The following DSG3 variants were observed in gnomAD, a reference collection of about 807,000 sequenced individuals.
DSG3 encodes desmoglein 3.
Under a neutral mutation model 85.9 loss-of-function variants are expected in DSG3, and 63 were observed. The observed-to-expected ratio is 0.73, with a 90% CI of 0.60 to 0.90. The LOEUF is 0.90. Ranked by LOEUF, DSG3 falls within the 40% of genes least tolerant of loss-of-function variation. The pLI, the probability that DSG3 is intolerant of heterozygous loss-of-function variation, is 0.00. For missense variants in DSG3, 1,220 were observed against 1,219.9 expected, an observed-to-expected ratio of 1.00 and a Z score of 0.00; for synonymous variants, 447 against 441.9, an observed-to-expected ratio of 1.01 and a Z score of -0.14.
rs548287528 is a variant in DSG3 at position 31,468,378 on chromosome 18, G to A, written c.1637-711G>A. Among the ~76,000 whole-genome samples, 9 of 152,332 alleles carry A rather than the reference G, an allele frequency of 5.9e-5. No homozygotes were observed. In the South Asian group the frequency reaches 1.2e-3, roughly 21 times the overall value. On this transcript the variant is annotated intron_variant, in intron 11 of 15. Coordinates refer to ENST00000257189, the MANE Select transcript of DSG3 (RefSeq NM_001944.3). ...GGGCCACACAAGTCCAAGGATTGGTGCAGACATACAAGAGAGTGGTTAAGC... is the reference window on the plus strand; with the variant it reads ...GGGCCACACAAGTCCAAGGATTGGTACAGACATACAAGAGAGTGGTTAAGC...
chr18:31,466,137 A>G (rs1419047117), intron 10 of DSG3, among the ~76,000 whole-genome samples: 4 of 152,162 alleles, frequency 2.6e-5, no homozygotes, highest in Admixed American at 1.3e-4. Flanking sequence ...AAAAATATAC[A>G]ATTTTTTATT....
Position 31,478,258 on chromosome 18 carries a change from G to A in DSG3, c.*1998G>A, listed in dbSNP as rs922071789. 1 of 152,196 alleles carries A rather than the reference G, an allele frequency of 6.6e-6. No individual in the cohort carries two copies. Among genetic ancestry groups the A allele is most frequent in the South Asian group, 2.1e-4 (1 of 4,830 alleles). 9.4% of individuals were successfully genotyped at this position (152,196 alleles called of 1,614,324 possible). On this transcript the variant is annotated 3_prime_UTR_variant, in exon 16 of 16. Coordinates refer to ENST00000257189, the MANE Select transcript of DSG3 (RefSeq NM_001944.3). Reference sequence around the variant, plus strand: ...ACGGTGGCTCGCTCTACAGTCTAGAGCACATGCAGCTAACTTGTGCCTCTG... The same window carrying A: ...ACGGTGGCTCGCTCTACAGTCTAGAACACATGCAGCTAACTTGTGCCTCTG...
At chr18:31,472,075 C>G (rs2072858889) in intron 12 of DSG3, among the ~76,000 whole-genome samples, 1 of 152,176 alleles carries the variant, frequency 6.6e-6, no homozygotes, top group African/African-American at 2.4e-5. Flanking sequence ...ATGATCTGAT[C>G]TGTCTCCTTC....
At chr18:31,471,408 GC>G (rs1261205702) in intron 12 of DSG3, among the ~76,000 whole-genome samples, 1 of 152,132 alleles carries the variant, frequency 6.6e-6, no homozygotes, top group African/African-American at 2.4e-5. Context: ...GATATTACAT[GC>G]CCAACATTAC....
chr18:31,472,172 C>G, intron 12 of DSG3, 112 bp from the exon 13 acceptor site: 5 of 1,492,648 alleles, frequency 3.3e-6, no homozygotes, highest in Non-Finnish European at 4.5e-6. Context: ...TAGGAATTTT[C>G]TACAAATATT....
rs778722510 is a variant in DSG3, at chr18:31,461,232, A to G, written c.819A>G (p.Ser273=). 2.0e-5 allele frequency: 32 copies of G among 1,611,806 alleles called. No individual in the cohort carries two copies. Among genetic ancestry groups the G allele is most frequent in the Middle Eastern group, 1.7e-4 (1 of 6,060 alleles). ...TCTGCTTCTCGCCTTTTCAGTATTC[A>G]GCACGTATTGAAGAAAATATTTTAA... The part of the protein sequence containing the change: ...NFPMFRDSQY[S]ARIEENILSS... Residue 273 remains serine (S), a synonymous_variant, in exon 8 of 16, where the codon TCA becomes TCG. Coordinates refer to ENST00000257189, the MANE Select transcript of DSG3 (RefSeq NM_001944.3).
intron 1 of DSG3, among the ~76,000 whole-genome samples, chr18:31,449,044 C>T (rs2072695562): frequency 6.6e-6 from 1 of 152,110 alleles, no homozygotes; most frequent in South Asian, 2.1e-4. Flanking sequence ...TACAGGCGTG[C>T]ACCACCACAG....
chr18:31,465,678 C>T (rs1003290821), intron 10 of DSG3, among the ~76,000 whole-genome samples: 4 of 152,146 alleles, frequency 2.6e-5, no homozygotes, highest in South Asian at 2.1e-4. Flanking sequence ...TGTGTTAGGT[C>T]CCTGTGGTTT....
At chr18:31,457,800 T>G (rs935190853) in intron 3 of DSG3, among the ~76,000 whole-genome samples, 2 of 151,722 alleles carry the variant, frequency 1.3e-5, no homozygotes, top group Admixed American at 6.6e-5. Flanking sequence ...GCTAATTGTT[T>G]TTGTATTTTT....
chr18:31,463,994 C>T, intron 8 of DSG3, 117 bp from the exon 9 acceptor site: 1 of 969,238 alleles, frequency 1.0e-6, no homozygotes, highest in East Asian at 2.5e-5. Context: ...AGCTGTTTTG[C>T]TATTTAAAAA....
rs1231043161 is a variant in DSG3 at position 31,459,845 on chromosome 18, A to G, written c.518A>G (p.Asn173Ser). The change falls in exon 6 of 16, where the codon AAC becomes AGC. Residue 173 changes from asparagine (N) to serine (S), a missense_variant and splice_region_variant. Transcript: ENST00000257189. ...MGEIEENSAS[N>S]SLVMILNATD... is the part of the protein sequence containing the mutation. ...AATAAACGTTTTCCTGTATTCCTAG[A>G]CTCACTGGTGATGATACTAAATGCC... The G allele has an allele frequency of 6.2e-7, 1 of 1,612,470 alleles. No homozygotes were observed. Among genetic ancestry groups the G allele is most frequent in the Admixed American group, 1.7e-5 (1 of 59,798 alleles).
chr18:31,456,636 TA>T (rs1440895067), intron 2 of DSG3, among the ~76,000 whole-genome samples, 161 bp downstream of exon 2: 1 of 152,174 alleles, frequency 6.6e-6, no homozygotes, highest in Non-Finnish European at 1.5e-5. Context: ...AACAATATTT[TA>T]AAACTAGTCA....
intron 11 of DSG3, among the ~76,000 whole-genome samples, chr18:31,467,033 C>CA (rs1188987227): frequency 6.6e-6 from 1 of 151,996 alleles, no homozygotes; most frequent in Non-Finnish European, 1.5e-5. Flanking sequence ...ATAGTGCACC[C>CA]AAAAAAGATT....
rs758384153 is a variant in DSG3, at chr18:31,469,071, A to T, written c.1637-18A>T. 3 of 1,610,092 alleles carry T rather than the reference A, an allele frequency of 1.9e-6. No homozygotes were observed. Among genetic ancestry groups the T allele is most frequent in the Non-Finnish European group, 2.5e-6 (3 of 1,176,594 alleles). On this transcript the variant is annotated intron_variant, in intron 11 of 15. Coordinates refer to ENST00000257189, the MANE Select transcript of DSG3 (RefSeq NM_001944.3). ...ACACTTCGTCCTACTGTTGATTTGC[A>T]TGATTCTTTCTCTACAGCTACCTCG...
At chr18:31,456,408 C>T (rs1309773273) in intron 1 of DSG3, 32 bp from the exon 2 acceptor site, 4 of 1,315,320 alleles carry the variant, frequency 3.0e-6, no homozygotes, top group African/African-American at 1.5e-5. Flanking sequence ...GAAGAATTCA[C>T]ATTTAATTCG....
Position 31,447,765 on chromosome 18 carries a change from T to C in DSG3, c.-113T>C. 1.2e-6 allele frequency: 1 copy of C among 833,020 alleles called. No homozygotes were observed. The highest frequency in any genetic ancestry group is 2.9e-5 in the East Asian group (1 of 33,920). The allele number at this position is 833,020 out of a possible 1,614,324, so 51.6% of individuals were successfully genotyped here. On this transcript the variant is annotated 5_prime_UTR_variant, in exon 1 of 16. Coordinates refer to ENST00000257189, the MANE Select transcript of DSG3 (RefSeq NM_001944.3). ...CATAACAGACCATCTGTAGACTCCT[T>C]CGGAAAGCAGCAGAGACGCTGCAGA...
Position 31,458,567 on chromosome 18 carries a change from T to A in DSG3, c.339T>A (p.Ala113=). The A allele has an allele frequency of 6.2e-7, 1 of 1,613,966 alleles. No individual in the cohort carries two copies. Among genetic ancestry groups the A allele is most frequent in the Non-Finnish European group, 8.5e-7 (1 of 1,179,916 alleles). ...ACACTGGAGATATTAACATAACAGC[T>A]ATAGTCGACCGGGAGGAAACTCCAA... The part of the protein sequence containing the change: ...DKNTGDINIT[A]IVDREETPSF... The change falls in exon 4 of 16, where the codon GCT becomes GCA. Residue 113 remains alanine (A), a synonymous_variant. Transcript: ENST00000257189.
chr18:31,457,526 T>C (rs1011921599), intron 3 of DSG3, among the ~76,000 whole-genome samples: 2 of 108,266 alleles, frequency 1.8e-5, no homozygotes, highest in African/African-American at 4.7e-5. Context: ...CTATTCTCTT[T>C]CTTTCTTTCT....
chr18:31,471,409 C>T (rs59774132), intron 12 of DSG3, among the ~76,000 whole-genome samples: 2,210 of 152,216 alleles, frequency 0.015, 55 homozygotes, highest in African/African-American at 0.05. Flanking sequence ...ATATTACATG[C>T]CCAACATTAC....
Sources: gnomAD v4.1 joint callset for allele counts (sites outside exome capture counted in the v4.1 genomes callset) on GRCh38, gnomAD v4.1.1 for gene constraint, MANE v1.5 for transcripts, NCBI Gene and HGNC (gene_info 2026-07-23, HGNC 2026-07-21) for gene names.